CAMK4: variants seen among roughly 807,000 people sequenced by gnomAD.
CAMK4 encodes the protein calcium/calmodulin-dependent protein kinase type IV.
CAMK4 carries 22 observed loss-of-function variants against 44.9 expected under a neutral mutation model. That is an observed-to-expected ratio of 0.49 (90% CI 0.35 to 0.70). The LOEUF is 0.70. CAMK4 is among the 30% of genes least tolerant of loss of function. The pLI, the probability that CAMK4 is intolerant of heterozygous loss-of-function variation, is 0.01. For synonymous variants in CAMK4, 218 were observed against 215.4 expected (o/e 1.01, Z -0.11); for missense variants, 498 against 586.8 (o/e 0.85, Z 1.56).
chr5:111,275,376 T>C (rs886849699), intron 1 of CAMK4, among the ~76,000 whole-genome samples: 1 of 152,146 alleles, frequency 6.6e-6, no homozygotes, highest in African/African-American at 2.4e-5. Context: ...GTGATTTAAA[T>C]TCTAAATTGT....
At chr5:111,343,868 AAAT>A (rs1204897102) in intron 1 of CAMK4, among the ~76,000 whole-genome samples, 153 bp from the exon 2 acceptor site, 3 of 151,856 alleles carry the variant, frequency 2.0e-5, no homozygotes, top group Admixed American at 6.6e-5. Flanking sequence ...ATAAAAAAAA[AAAT>A]ACTCTTGACA....
chr5:111,363,416 A>G (rs1160488657), intron 2 of CAMK4, among the ~76,000 whole-genome samples: 1 of 152,132 alleles, frequency 6.6e-6, no homozygotes, highest in African/African-American at 2.4e-5. Flanking sequence ...ACAAGTTATT[A>G]AATGCCAGGT....
chr5:111,323,838 A>G (rs1255163507), intron 1 of CAMK4, among the ~76,000 whole-genome samples: 2 of 152,084 alleles, frequency 1.3e-5, no homozygotes, highest in Non-Finnish European at 2.9e-5. Context: ...TGGGAAATAG[A>G]ATGTAGGTAA....
chr5:111,351,111 G>T (rs1750086432), intron 2 of CAMK4, among the ~76,000 whole-genome samples: 1 of 152,040 alleles, frequency 6.6e-6, no homozygotes, highest in South Asian at 2.1e-4. Context: ...ATATTGCCTG[G>T]CATATATTAG....
intron 1 of CAMK4, among the ~76,000 whole-genome samples, chr5:111,256,750 T>C (rs1409518222): frequency 1.3e-5 from 2 of 152,212 alleles, no homozygotes; most frequent in Non-Finnish European, 2.9e-5. Context: ...TTATAGCTTC[T>C]AATCTTGGCA....
chr5:111,416,859 A>G (rs1227528139), intron 5 of CAMK4, among the ~76,000 whole-genome samples: 1 of 152,208 alleles, frequency 6.6e-6, no homozygotes, highest in Admixed American at 6.5e-5. Context: ...TAAATTGTTA[A>G]TAAATTAATA....
At chr5:111,373,561 T>C (rs1580667745) in intron 2 of CAMK4, among the ~76,000 whole-genome samples, 1 of 152,220 alleles carries the variant, frequency 6.6e-6, no homozygotes, top group Non-Finnish European at 1.5e-5. Flanking sequence ...AATGACTGGA[T>C]GTTGTTCTCT....
At chr5:111,468,875 G>A (rs1400563021) in intron 7 of CAMK4, among the ~76,000 whole-genome samples, 2 of 151,948 alleles carry the variant, frequency 1.3e-5, no homozygotes, top group Admixed American at 6.6e-5. Flanking sequence ...CTACTCAGGA[G>A]GCAGAGGCAA....
At chr5:111,454,647 C>A (rs201099498) in intron 7 of CAMK4, among the ~76,000 whole-genome samples, 1,989 of 113,368 alleles carry the variant, frequency 0.018, no homozygotes, top group African/African-American at 0.022. Context: ...GTCACACAGA[C>A]AAAAAAAAAA....
intron 1 of CAMK4, among the ~76,000 whole-genome samples, chr5:111,281,884 C>A (rs1751032780): frequency 6.6e-6 from 1 of 151,694 alleles, no homozygotes; most frequent in Non-Finnish European, 1.5e-5. Context: ...CGGTGAAACC[C>A]CGTCTCTACT....
At chr5:111,276,906 A>G (rs776882650) in intron 1 of CAMK4, among the ~76,000 whole-genome samples, 2 of 152,146 alleles carry the variant, frequency 1.3e-5, no homozygotes, top group Non-Finnish European at 2.9e-5. Flanking sequence ...ATCCTTTTTG[A>G]TCACAAAAGT....
rs1387222884 is a variant in CAMK4 at position 111,488,488 on chromosome 5, A to AACATATTTTG, written c.*4023_*4032dup. The AACATATTTTG allele has an allele frequency of 6.6e-6, 1 of 152,224 alleles. No homozygotes were observed. The highest frequency in any genetic ancestry group is 2.4e-5 in the African/African-American group (1 of 41,462). The allele number at this position is 152,224 out of a possible 1,614,324, so 9.4% of individuals were successfully genotyped here. On this transcript the variant is annotated 3_prime_UTR_variant, in exon 11 of 11. Coordinates refer to ENST00000282356, the MANE Select transcript of CAMK4 (RefSeq NM_001744.6). Reference sequence around the variant, plus strand: ...GTGACTTCAATTTCATAGTATTTTAAACATATTTTGTAATTCAGAATGTTT... The same window carrying AACATATTTTG: ...GTGACTTCAATTTCATAGTATTTTAAACATATTTTGACATATTTTGTAATTCAGAATGTTT...
At position 111,287,014 on chromosome 5, in the gene CAMK4, A is replaced by G. The variant is rs540377887; in HGVS notation, c.162-57010A>G. ...ATGTAGGTTCTTGAGAGTTTTTGGA[A>G]ATCACAGGTAATCAAATTCCATCAC... On this transcript the variant is annotated intron_variant, in intron 1 of 10. Transcript: ENST00000282356. 1.1e-4 allele frequency among the ~76,000 whole-genome samples: 16 copies of G among 152,314 alleles called. 1 individual carries two copies. In the East Asian group the frequency reaches 2.9e-3, roughly 28 times the overall value.
intron 4 of CAMK4, among the ~76,000 whole-genome samples, chr5:111,385,896 T>C (rs1306051424): frequency 6.6e-6 from 1 of 152,042 alleles, no homozygotes; most frequent in Admixed American, 6.6e-5. Context: ...ATCTTTTGAG[T>C]CAGGCCTTTT....
chr5:111,450,863 C>T (rs1408801323), intron 7 of CAMK4, among the ~76,000 whole-genome samples: 3 of 151,740 alleles, frequency 2.0e-5, no homozygotes, highest in African/African-American at 4.8e-5. Context: ...TTGTATGTAT[C>T]GAAAGCCACC....
chr5:111,232,765 A>AT (rs36107444), intron 1 of CAMK4, among the ~76,000 whole-genome samples: 6,009 of 145,764 alleles, frequency 0.041, 158 homozygotes, highest in Non-Finnish European at 0.053. Context: ...GATGATGTAA[A>AT]TTTTTTTTTT....
intron 1 of CAMK4, among the ~76,000 whole-genome samples, chr5:111,280,592 A>G (rs888465219): frequency 1.3e-5 from 2 of 152,240 alleles, no homozygotes; most frequent in Non-Finnish European, 2.9e-5. Flanking sequence ...TTGTTTCTAT[A>G]GGAAAGCCAA....
At chr5:111,464,263 G>T (rs1206868754) in intron 7 of CAMK4, among the ~76,000 whole-genome samples, 1 of 151,686 alleles carries the variant, frequency 6.6e-6, no homozygotes, top group Non-Finnish European at 1.5e-5. Flanking sequence ...CAAAGTTTTT[G>T]GATTAACCCA....
At chr5:111,392,186 G>A (rs1751825097) in intron 4 of CAMK4, among the ~76,000 whole-genome samples, 1 of 152,128 alleles carries the variant, frequency 6.6e-6, no homozygotes, top group South Asian at 2.1e-4. Flanking sequence ...ATAAAGAAAA[G>A]AGGTTTAATT....
Sources: gnomAD v4.1 joint callset for allele counts (sites outside exome capture counted in the v4.1 genomes callset) on GRCh38, gnomAD v4.1.1 for gene constraint, MANE v1.5 for transcripts, NCBI Gene and HGNC (gene_info 2026-07-23, HGNC 2026-07-21) for gene names.